The following SMC4 variants were observed in gnomAD, a reference collection of about 807,000 sequenced individuals.
The protein encoded by SMC4 is structural maintenance of chromosomes protein 4.
A neutral mutation model predicts 145.6 loss-of-function variants in SMC4; 87 were observed. The observed-to-expected ratio is 0.60, with a 90% confidence interval of 0.50 to 0.71. The LOEUF is 0.71. Ranked by LOEUF, SMC4 falls within the 30% of genes least tolerant of loss-of-function variation. The probability of loss-of-function intolerance (pLI) is 0.00; values close to 1 mark genes in which losing one functional copy is unlikely to be tolerated. For missense variants in SMC4, 1,447 were observed against 1,537.1 expected, an observed-to-expected ratio of 0.94 and a Z score of 0.98; for synonymous variants, 558 against 500.7, an observed-to-expected ratio of 1.11 and a Z score of -1.53.
Position 160,412,444 on chromosome 3 carries a change from A to G in SMC4, c.971A>G (p.Gln324Arg), listed in dbSNP as rs763109454. The G allele has an allele frequency of 3.7e-6, 6 of 1,602,584 alleles. No homozygotes were observed. The East Asian group carries it at 1.3e-4, about 36-fold the overall frequency. Residue 324 changes from glutamine to arginine, a missense_variant, in exon 7 of 24, where the codon CAA becomes CGA. Transcript: ENST00000357388. ...TTTAGAAAAAAGAATCATGTTTGTCAATATTATATGTAAGTGCCTTGATTG... is the reference window on the plus strand; with the variant it reads ...TTTAGAAAAAAGAATCATGTTTGTCGATATTATATGTAAGTGCCTTGATTG... ...EIFRKKNHVC[Q>R]YYIYELQKRI...
In SMC4 at chr3:160,424,883, C is replaced by T; in HGVS notation, c.2342C>T (p.Ser781Leu). 1 of 1,613,694 alleles carries T rather than the reference C, an allele frequency of 6.2e-7. No individual in the cohort carries two copies. The highest frequency in any genetic ancestry group is 2.2e-5 in the East Asian group (1 of 44,846). ...TCTTTGTAGGTAAACAAAATGGAATCACAGTTGCAAAACGACTCTAAAAAA... is the reference window on the plus strand; with the variant it reads ...TCTTTGTAGGTAAACAAAATGGAATTACAGTTGCAAAACGACTCTAAAAAA... ...ISEEEVNKME[S>L]QLQNDSKKAM... Residue 781 changes from serine (S) to leucine (L), a missense_variant, in exon 16 of 24, where the codon TCA (serine) becomes TTA (leucine). Physicochemically the swap from Ser to Leu is moderately radical, Grantham distance 145. Transcript: ENST00000357388.
At chr3:160,414,598 C>T in intron 9 of SMC4, 81 bp downstream of exon 9, 1 of 1,265,080 alleles carries the variant, frequency 7.9e-7, no homozygotes, top group Non-Finnish European at 1.1e-6. Context: ...CCCCTTATTG[C>T]CTAAGAGAAT....
intron 8 of SMC4, chr3:160,414,133 G>A: frequency 3.8e-6 from 2 of 529,522 alleles, no homozygotes; most frequent in Non-Finnish European, 7.3e-6. Flanking sequence ...GTAGTCACTG[G>A]AAAATGTGTT....
chr3:160,400,662 C>G, intron 1 of SMC4, 160 bp from the exon 2 acceptor site: 4 of 879,800 alleles, frequency 4.5e-6, no homozygotes, highest in Non-Finnish European at 6.4e-6. Flanking sequence ...CTTCTTGCCA[C>G]TCGTGTCTTT....
chr3:160,431,249 T>G (rs1309262098), intron 20 of SMC4, 44 bp downstream of exon 20: 2 of 1,491,708 alleles, frequency 1.3e-6, no homozygotes, highest in Admixed American at 4.8e-5. Flanking sequence ...ATATTCTTTA[T>G]GAAAAAGGAG....
chr3:160,408,859 C>T (rs1312140630), intron 5 of SMC4, among the ~76,000 whole-genome samples: 3 of 151,992 alleles, frequency 2.0e-5, no homozygotes, highest in Non-Finnish European at 4.4e-5. Flanking sequence ...CAAGAAAAGT[C>T]CCAGGTTGTC....
intron 18 of SMC4, 24 bp downstream of exon 18, chr3:160,428,966 C>A (rs368845941): frequency 2.1e-4 from 326 of 1,532,916 alleles, no homozygotes; most frequent in Non-Finnish European, 2.8e-4. Flanking sequence ...GTTACCCTAA[C>A]TTGTTTTCCC....
chr3:160,432,615 C>A, intron 22 of SMC4, 100 bp downstream of exon 22: 2 of 749,176 alleles, frequency 2.7e-6, no homozygotes, highest in Non-Finnish European at 4.3e-6. Flanking sequence ...GCAAGATGTA[C>A]AACTTGTTTC....
intron 5 of SMC4, among the ~76,000 whole-genome samples, chr3:160,411,285 C>G (rs758925939): frequency 6.6e-6 from 1 of 152,120 alleles, no homozygotes; most frequent in South Asian, 2.1e-4. Context: ...TGTTTGATTT[C>G]TGTTATTACC....
intron 10 of SMC4, among the ~76,000 whole-genome samples, chr3:160,417,008 C>G (rs969856930): frequency 2.0e-5 from 3 of 152,038 alleles, no homozygotes; most frequent in African/African-American, 7.2e-5. Context: ...ATTAATAAAA[C>G]GAGAGCATGA....
intron 13 of SMC4, among the ~76,000 whole-genome samples, chr3:160,421,232 T>A (rs1268237817): frequency 6.6e-6 from 1 of 151,924 alleles, no homozygotes; most frequent in Non-Finnish European, 1.5e-5. Context: ...CCCAGCCCTA[T>A]AATTGAATTT....
chr3:160,425,922 C>T, intron 16 of SMC4, 152 bp from the exon 17 acceptor site: 3 of 574,478 alleles, frequency 5.2e-6, no homozygotes, highest in South Asian at 5.3e-5. Flanking sequence ...GTTTGTTGGC[C>T]ATTTTCATTT....
intron 17 of SMC4, among the ~76,000 whole-genome samples, chr3:160,427,199 C>G (rs1046229927): frequency 6.6e-6 from 1 of 152,178 alleles, no homozygotes; most frequent in Non-Finnish European, 1.5e-5. Context: ...ACTGATAGAG[C>G]AGTAAACAAA....
chr3:160,405,927 C>CT (rs943513513), intron 5 of SMC4, among the ~76,000 whole-genome samples: 32 of 151,946 alleles, frequency 2.1e-4, no homozygotes. Context: ...TTTGCTTAAT[C>CT]TTTTACCGTC....
chr3:160,401,796 A>C (rs1714696259), intron 2 of SMC4, 119 bp from the exon 3 acceptor site: 1 of 724,318 alleles, frequency 1.4e-6, no homozygotes, highest in Non-Finnish European at 2.3e-6. Flanking sequence ...TTTCATAAAT[A>C]ACATCCCTCC....
chr3:160,431,669 A>G lies in SMC4; in HGVS notation c.3141A>G (p.Ile1047Met). ...TTTCAAAAATATCACTGCATCCTAT[A>G]GAAGATAATCCTATTGAAGAGATTT... The part of the protein sequence containing the change: ...KEISKISLHP[I>M]EDNPIEEISV... The change falls in exon 21 of 24, where the codon ATA becomes ATG. Residue 1047 changes from isoleucine (I) to methionine (M), a missense_variant. Physicochemically the swap from Ile to Met is conservative, Grantham distance 10 (BLOSUM62 1). Transcript: ENST00000357388. The G allele has an allele frequency of 4.4e-6, 7 of 1,602,884 alleles. No individual in the cohort carries two copies. The highest frequency in any genetic ancestry group is 1.1e-5 in the South Asian group (1 of 88,590).
At chr3:160,405,013 TA>T (rs1465324933) in intron 5 of SMC4, among the ~76,000 whole-genome samples, 1 of 152,090 alleles carries the variant, frequency 6.6e-6, no homozygotes, top group Non-Finnish European at 1.5e-5. Flanking sequence ...CTAGTTAATT[TA>T]ATCTTTGTAA....
chr3:160,419,952 TA>T (rs77225256), intron 12 of SMC4, among the ~76,000 whole-genome samples: 1,889 of 152,284 alleles, frequency 0.012, 40 homozygotes, highest in African/African-American at 0.042. Context: ...AAATGAAAAT[TA>T]AAAAAAATTT....
At chr3:160,426,393 T>G (rs566774024) in intron 17 of SMC4, among the ~76,000 whole-genome samples, 193 bp downstream of exon 17, 1 of 152,324 alleles carries the variant, frequency 6.6e-6, no homozygotes, top group Non-Finnish European at 1.5e-5. Context: ...GGCATTTGCC[T>G]AAGGTCACAC....
Sources: gnomAD v4.1 joint callset for allele counts (sites outside exome capture counted in the v4.1 genomes callset) on GRCh38, gnomAD v4.1.1 for gene constraint, MANE v1.5 for transcripts, NCBI Gene and HGNC (gene_info 2026-07-23, HGNC 2026-07-21) for gene names.